NIPBL: variants seen among roughly 807,000 people sequenced by gnomAD.
The protein encoded by NIPBL is NIPBL cohesin loading factor.
NIPBL carries 19 observed loss-of-function variants against 321.8 expected under a neutral mutation model. That is an observed-to-expected ratio of 0.06 (90% CI 0.04 to 0.09). The LOEUF is 0.09. NIPBL is among the 10% of genes least tolerant of loss of function. The pLI is 1.00. For synonymous variants in NIPBL, 1,106 were observed against 1,114.1 expected (o/e 0.99, Z 0.14); for missense variants, 2,210 against 3,327.0 (o/e 0.66, Z 8.26).
In NIPBL at chr5:37,063,803, T is replaced by C; in HGVS notation, c.7874T>C (p.Met2625Thr). The change falls in exon 46 of 47, where the codon ATG (methionine) becomes ACG (threonine). Residue 2625 changes from methionine (M) to threonine (T), a missense_variant. Physicochemically the swap from Met to Thr is moderately conservative, Grantham distance 81. Around this residue, in one of 14 missense-constraint regions of NIPBL, gnomAD observed 159 missense variants for 319.2 expected, o/e 0.50. Transcript: ENST00000282516. ...VKQYLDFKLL[M>T]EHLDPDEEEE... Reference sequence around the variant, plus strand: ...TGTTTTTTGTAGTTCAAACTTCTCATGGAACATCTGGACCCTGATGAAGAA... The same window carrying C: ...TGTTTTTTGTAGTTCAAACTTCTCACGGAACATCTGGACCCTGATGAAGAA... The C allele has an allele frequency of 6.2e-7, 1 of 1,613,684 alleles. No homozygotes were observed. Among genetic ancestry groups the C allele is most frequent in the Non-Finnish European group, 8.5e-7 (1 of 1,179,816 alleles).
Position 37,057,319 on chromosome 5 carries a change from A to G in NIPBL, c.7397A>G (p.Gln2466Arg). The G allele has an allele frequency of 6.2e-7, 1 of 1,613,710 alleles. No individual in the cohort carries two copies. The highest frequency in any genetic ancestry group is 8.5e-7 in the Non-Finnish European group (1 of 1,179,712). Residue 2466 changes from glutamine to arginine, a missense_variant, in exon 43 of 47, where the codon CAG (glutamine) becomes CGG (arginine). Coordinates refer to ENST00000282516, the MANE Select transcript of NIPBL (RefSeq NM_133433.4). ...TCAGTTTCTGGTAGTAACCTACTGC[A>G]GTCATTCAAGGAGGTAAGTTACACA... ...TLSVSGSNLL[Q>R]SFKESMVKDK...
At chr5:37,013,565 G>A (rs969958102) in intron 21 of NIPBL, among the ~76,000 whole-genome samples, 29 of 151,330 alleles carry the variant, frequency 1.9e-4, no homozygotes, top group African/African-American at 2.7e-4. Context: ...CTCACATACC[G>A]GACGGGGTGG....
At chr5:36,885,923 A>G in intron 1 of NIPBL, 1 of 737,688 alleles carries the variant, frequency 1.4e-6, no homozygotes, top group South Asian at 1.4e-5. Context: ...AGATGCTCCC[A>G]AATCTCAGGA....
chr5:36,904,794 G>C (rs905573661), intron 1 of NIPBL, among the ~76,000 whole-genome samples: 10 of 152,124 alleles, frequency 6.6e-5, no homozygotes, highest in African/African-American at 2.4e-4. Flanking sequence ...CCTTAAAGCA[G>C]CTCACAACAT....
chr5:36,905,604 A>G (rs1270813957), intron 1 of NIPBL, among the ~76,000 whole-genome samples: 1 of 152,214 alleles, frequency 6.6e-6, no homozygotes, highest in Non-Finnish European at 1.5e-5. Context: ...AAATATTTTG[A>G]AGATGCCTAT....
At chr5:36,946,590 G>GTGTGTATATGTA (rs1561062631) in intron 1 of NIPBL, among the ~76,000 whole-genome samples, 2 of 93,656 alleles carry the variant, frequency 2.1e-5, no homozygotes, top group Admixed American at 1.1e-4. Context: ...GTGTGTATAT[G>GTGTGTATATGTA]TATATATATA....
At chr5:36,974,826 A>G (rs1170948401) in intron 8 of NIPBL, among the ~76,000 whole-genome samples, 1 of 152,144 alleles carries the variant, frequency 6.6e-6, no homozygotes, top group East Asian at 1.9e-4. Flanking sequence ...TCTGTAAAAA[A>G]ACTTTTATCT....
chr5:36,913,265 A>G (rs956691696), intron 1 of NIPBL, among the ~76,000 whole-genome samples: 6 of 152,206 alleles, frequency 3.9e-5, no homozygotes, highest in Non-Finnish European at 7.3e-5. Flanking sequence ...CAACAACTGC[A>G]GTGGTTCAGC....
At chr5:36,892,822 A>T (rs550552383) in intron 1 of NIPBL, among the ~76,000 whole-genome samples, 157 of 152,220 alleles carry the variant, frequency 1.0e-3, no homozygotes, top group Non-Finnish European at 1.6e-3. Flanking sequence ...TAGCATTAGG[A>T]GATATACCTA....
At chr5:37,010,899 C>T (rs999259470) in intron 21 of NIPBL, among the ~76,000 whole-genome samples, 1 of 152,060 alleles carries the variant, frequency 6.6e-6, no homozygotes, top group Non-Finnish European at 1.5e-5. Context: ...AATCTAAAAT[C>T]GGAAATGCTC....
At chr5:36,966,038 A>G (rs1216206864) in intron 6 of NIPBL, among the ~76,000 whole-genome samples, 1 of 152,092 alleles carries the variant, frequency 6.6e-6, no homozygotes, top group Admixed American at 6.5e-5. Context: ...ACATCTGCTA[A>G]GAATATTCTC....
At chr5:37,003,180 G>T in intron 15 of NIPBL, 81 bp from the exon 16 acceptor site, 1 of 877,370 alleles carries the variant, frequency 1.1e-6, no homozygotes. Flanking sequence ...ATAGCTCAAA[G>T]GGAATAATTG....
intron 43 of NIPBL, 35 bp from the exon 44 acceptor site, chr5:37,058,856 G>GT: frequency 6.2e-7 from 1 of 1,603,982 alleles, no homozygotes. Flanking sequence ...GTGGCATTTT[G>GT]TTTTTATTGT....
chr5:36,925,074 A>G (rs754000246), intron 1 of NIPBL, among the ~76,000 whole-genome samples: 12 of 152,228 alleles, frequency 7.9e-5, no homozygotes, highest in Non-Finnish European at 1.5e-4. Context: ...AGGGAGGTCA[A>G]TATCTGTCTG....
At chr5:36,939,354 A>G (rs1738812205) in intron 1 of NIPBL, among the ~76,000 whole-genome samples, 1 of 152,126 alleles carries the variant, frequency 6.6e-6, no homozygotes, top group African/African-American at 2.4e-5. Context: ...CATCTCTACA[A>G]TGTTATTATT....
At chr5:36,897,390 G>A (rs1481657161) in intron 1 of NIPBL, among the ~76,000 whole-genome samples, 2 of 152,116 alleles carry the variant, frequency 1.3e-5, no homozygotes, top group African/African-American at 4.8e-5. Context: ...CTTGTATCCT[G>A]CAACCTTGCT....
At chr5:37,064,077 G>C in intron 46 of NIPBL, 99 bp downstream of exon 46, 1 of 1,512,350 alleles carries the variant, frequency 6.6e-7, no homozygotes, top group South Asian at 1.3e-5. Flanking sequence ...ACCAAGTAAT[G>C]TAATACTTAA....
chr5:36,939,249 T>C (rs539899546), intron 1 of NIPBL, among the ~76,000 whole-genome samples: 1 of 152,310 alleles, frequency 6.6e-6, no homozygotes, highest in South Asian at 2.1e-4. Context: ...ACTATCCATC[T>C]GCCTCGGCCT....
At chr5:36,908,883 A>T (rs1011647754) in intron 1 of NIPBL, among the ~76,000 whole-genome samples, 1 of 152,258 alleles carries the variant, frequency 6.6e-6, no homozygotes, top group Middle Eastern at 3.2e-3. Flanking sequence ...AGGAATGTAT[A>T]ACATATACCA....
Sources: gnomAD v4.1 joint callset for allele counts (sites outside exome capture counted in the v4.1 genomes callset) on GRCh38, gnomAD v4.1.1 for gene constraint, gnomAD v4.1.1 regional missense constraint, MANE v1.5 for transcripts, NCBI Gene and HGNC (gene_info 2026-07-23, HGNC 2026-07-21) for gene names.